Variants in LAMA3 observed in about 807,000 individuals in gnomAD.
LAMA3 encodes laminin subunit alpha 3.
Under a neutral mutation model 402.0 loss-of-function variants are expected in LAMA3, and 281 were observed. That is an observed-to-expected ratio of 0.70 (90% CI 0.63 to 0.77). LAMA3 has a LOEUF of 0.77. LAMA3 is among the 30% of genes least tolerant of loss of function. The pLI is 0.00. For missense variants in LAMA3, 3,840 were observed against 4,215.5 expected (o/e 0.91, Z 2.47); for synonymous variants, 1,431 against 1,558.4 (o/e 0.92, Z 1.93).
intron 44 of LAMA3, 57 bp from the exon 45 acceptor site, chr18:23,898,681 T>G: frequency 5.3e-6 from 5 of 940,594 alleles, no homozygotes; most frequent in Non-Finnish European, 8.8e-6. Context: ...GTTGACCAGG[T>G]TGATAGGACT....
At chr18:23,852,685 G>A (rs2063973696) in intron 32 of LAMA3, among the ~76,000 whole-genome samples, 1 of 152,174 alleles carries the variant, frequency 6.6e-6, no homozygotes. Context: ...CCATTTCCAT[G>A]ACATCACATT....
rs1032459564 is a variant in LAMA3 at position 23,858,690 on chromosome 18, A to G, written c.4283A>G (p.Glu1428Gly). 6.2e-7 allele frequency: 1 copy of G among 1,614,166 alleles called. No homozygotes were observed. The highest frequency in any genetic ancestry group is 8.5e-7 in the Non-Finnish European group (1 of 1,180,002). Residue 1428 changes from glutamate to glycine, a missense_variant and splice_region_variant, in exon 34 of 75, where the codon GAA (glutamate) becomes GGA (glycine). Glu to Gly is a moderately conservative substitution (Grantham distance 98). Around this residue, in one of 3 missense-constraint regions of LAMA3, gnomAD observed 2,109 missense variants for 2,376.0 expected, o/e 0.89. Coordinates refer to ENST00000313654, the MANE Select transcript of LAMA3 (RefSeq NM_198129.4). ...TTATTTCATGTTTTGCTTCAATAGG[A>G]AAATGTAGAAGGCACAGAGTGTAAT... Reference protein sequence around the residue: ...DPGTGACLCKENVEGTECNVC... With the variant: ...DPGTGACLCKGNVEGTECNVC...
Position 23,709,980 on chromosome 18 carries a change from G to A in LAMA3, c.295-3940G>A. 2.7e-6 allele frequency: 2 copies of A among 740,244 alleles called. 1 individual carries two copies. Among genetic ancestry groups the A allele is most frequent in the South Asian group, 2.7e-5 (2 of 74,358 alleles). The allele number at this position is 740,244 out of a possible 1,614,324, so 45.9% of individuals were successfully genotyped here. On this transcript the variant is annotated intron_variant, in intron 1 of 74. Coordinates refer to ENST00000313654, the MANE Select transcript of LAMA3 (RefSeq NM_198129.4). The stretch of plus-strand genomic sequence containing the variant: ...AGCCTGTTTGATTTGGTGTTTGTTG[G>A]CTTTAACATCCACAACGAACACAAG...
chr18:23,704,382 A>G (rs1359183731), intron 1 of LAMA3, among the ~76,000 whole-genome samples: 1 of 152,220 alleles, frequency 6.6e-6, no homozygotes, highest in East Asian at 1.9e-4. Context: ...CATAAGTAAC[A>G]TTATCAGGCA....
Position 23,918,540 on chromosome 18 carries a change from A to G in LAMA3, c.7923+1845A>G, listed in dbSNP as rs1421339461. 6.6e-6 allele frequency among the ~76,000 whole-genome samples: 1 copy of G among 152,172 alleles called. No homozygotes were observed. On this transcript the variant is annotated intron_variant, in intron 60 of 74. Transcript: ENST00000313654. The surrounding 1 kb of genome is among the most constrained non-coding windows in gnomAD (Gnocchi z 4.1). Reference sequence around the variant, plus strand: ...AAGACACTGAAGCTTCTCTGTTTTCAAGTAGCTGAGATTCCTAGGGACCCT... The same window carrying G: ...AAGACACTGAAGCTTCTCTGTTTTCGAGTAGCTGAGATTCCTAGGGACCCT...
intron 69 of LAMA3, among the ~76,000 whole-genome samples, chr18:23,945,928 T>G (rs1181119822): frequency 6.6e-6 from 1 of 152,164 alleles, no homozygotes; most frequent in Non-Finnish European, 1.5e-5. Flanking sequence ...CCTTTTTTTT[T>G]CAGTTCCCCT....
At chr18:23,773,684 C>T (rs1483219841) in intron 9 of LAMA3, 97 bp downstream of exon 9, 1 of 764,118 alleles carries the variant, frequency 1.3e-6, no homozygotes, top group Non-Finnish European at 2.3e-6. Flanking sequence ...TTCCTTCATG[C>T]CCTCTCTCTT....
chr18:23,922,230 C>T (rs75650231), intron 62 of LAMA3, among the ~76,000 whole-genome samples: 462 of 152,256 alleles, frequency 3.0e-3, no homozygotes, highest in African/African-American at 0.01. Flanking sequence ...AGATAGCTGA[C>T]GATAGTGTGT....
At chr18:23,873,028 G>C in intron 38 of LAMA3, 1 of 1,614,146 alleles carries the variant, frequency 6.2e-7, no homozygotes, top group South Asian at 1.1e-5. Context: ...GCAGCCAGCG[G>C]ACGTCCAGGA....
In LAMA3 at chr18:23,865,416, C is replaced by T. The variant is rs186061019; in HGVS notation, c.4683+533C>T. On this transcript the variant is annotated intron_variant, in intron 36 of 74. Transcript: ENST00000313654. Reference sequence around the variant, plus strand: ...CCTCCCAAAGCTCTGGGATTACAGGCGTGAGCCACATGTCCAGCCACATAT... The same window carrying T: ...CCTCCCAAAGCTCTGGGATTACAGGTGTGAGCCACATGTCCAGCCACATAT... Among the ~76,000 whole-genome samples, 20 of 152,340 alleles carry T rather than the reference C, an allele frequency of 1.3e-4. No homozygotes were observed. In the East Asian group the frequency reaches 3.9e-3, roughly 29 times the overall value.
intron 63 of LAMA3, 48 bp from the exon 64 acceptor site, chr18:23,928,577 C>T (rs1171132398): frequency 6.3e-7 from 1 of 1,594,140 alleles, no homozygotes. Flanking sequence ...GTATTTCAGC[C>T]AAGAAATGAT....
chr18:23,797,604 A>T (rs1263136418), intron 12 of LAMA3, among the ~76,000 whole-genome samples: 7 of 152,044 alleles, frequency 4.6e-5, no homozygotes, highest in Non-Finnish European at 1.0e-4. Context: ...AATCCCAGCT[A>T]CTCGGGAGGC....
intron 42 of LAMA3, 58 bp downstream of exon 42, chr18:23,890,175 G>A: frequency 1.8e-6 from 2 of 1,139,260 alleles, no homozygotes; most frequent in Non-Finnish European, 2.7e-6. Flanking sequence ...TAACTTAACA[G>A]CCTAAGAACC....
At chr18:23,756,710 A>G (rs1265114483) in intron 6 of LAMA3, among the ~76,000 whole-genome samples, 1 of 152,154 alleles carries the variant, frequency 6.6e-6, no homozygotes, top group Non-Finnish European at 1.5e-5. Context: ...ATCACAGTAG[A>G]TGTTGTAAGG....
At chr18:23,913,865 G>A (rs1434136769) in intron 56 of LAMA3, among the ~76,000 whole-genome samples, 2 of 152,202 alleles carry the variant, frequency 1.3e-5, no homozygotes, top group African/African-American at 2.4e-5. Context: ...ATTCTCGAAT[G>A]TACTTAATGC....
At chr18:23,931,272 G>C (rs1056484019) in intron 65 of LAMA3, 71 bp downstream of exon 65, 1 of 1,398,654 alleles carries the variant, frequency 7.1e-7, no homozygotes, top group African/African-American at 1.4e-5. Flanking sequence ...GAATTTTCTG[G>C]TGTCTTTTTG....
At chr18:23,697,930 C>T (rs1259154940) in intron 1 of LAMA3, among the ~76,000 whole-genome samples, 2 of 151,956 alleles carry the variant, frequency 1.3e-5, no homozygotes, top group African/African-American at 2.4e-5. Context: ...TTGTAGACGG[C>T]CACCTTCTGC....
intron 62 of LAMA3, among the ~76,000 whole-genome samples, chr18:23,925,612 A>C (rs921800724): frequency 6.6e-6 from 1 of 152,318 alleles, no homozygotes. Flanking sequence ...TTTTGTGGAC[A>C]GATTGGCCCA....
At chr18:23,894,759 C>T in intron 43 of LAMA3, 148 bp from the exon 44 acceptor site, 1 of 934,290 alleles carries the variant, frequency 1.1e-6, no homozygotes, top group Non-Finnish European at 1.7e-6. Flanking sequence ...TTTTCAGAAT[C>T]CACATCCATC....
Sources: gnomAD v4.1 joint callset for allele counts (sites outside exome capture counted in the v4.1 genomes callset) on GRCh38, gnomAD v4.1.1 for gene constraint, gnomAD v4.1.1 regional missense constraint, Gnocchi (gnomAD v3.1) non-coding constraint, MANE v1.5 for transcripts, NCBI Gene and HGNC (gene_info 2026-07-23, HGNC 2026-07-21) for gene names.